UBP1: variants seen among roughly 807,000 people sequenced by gnomAD.
UBP1 encodes the protein upstream-binding protein 1.
UBP1 carries 22 observed loss-of-function variants against 76.1 expected under a neutral mutation model. The observed-to-expected ratio is 0.29, with a 90% CI of 0.21 to 0.41. UBP1 has a LOEUF of 0.41. UBP1 is among the 10% of genes least tolerant of loss of function. The pLI is 1.00. For missense variants in UBP1, 436 were observed against 668.1 expected (o/e 0.65, Z 3.83); for synonymous variants, 224 against 237.1 (o/e 0.94, Z 0.51).
intron 2 of UBP1, among the ~76,000 whole-genome samples, chr3:33,418,613 C>T (rs1343607651): frequency 6.6e-6 from 1 of 151,784 alleles, no homozygotes; most frequent in African/African-American, 2.4e-5. Context: ...AATCCCAGCA[C>T]TTTGGGAGCC....
At chr3:33,398,973 A>C (rs2044117237) in intron 11 of UBP1, among the ~76,000 whole-genome samples, 4 of 152,266 alleles carry the variant, frequency 2.6e-5, no homozygotes, top group South Asian at 2.1e-4. Flanking sequence ...GGAACTTTAA[A>C]GAGACAAAGA....
At chr3:33,429,662 A>T (rs191421006) in intron 1 of UBP1, among the ~76,000 whole-genome samples, 1 of 152,332 alleles carries the variant, frequency 6.6e-6, no homozygotes, top group Non-Finnish European at 1.5e-5. Context: ...AAACTGAAAG[A>T]TCTACATGTT....
In UBP1 at chr3:33,390,276, C is replaced by T; in HGVS notation, c.*55G>A. On this transcript the variant is annotated 3_prime_UTR_variant, in exon 16 of 16. Coordinates refer to ENST00000283629, the MANE Select transcript of UBP1 (RefSeq NM_014517.5). ...CAAGACTTCTTGGATTCAGTCTTCACACACTTTTAAGCGTGACTATTTGGT... is the reference window on the plus strand; with the variant it reads ...CAAGACTTCTTGGATTCAGTCTTCATACACTTTTAAGCGTGACTATTTGGT... 1 of 1,550,810 alleles carries T rather than the reference C, an allele frequency of 6.4e-7. No individual in the cohort carries two copies. Among genetic ancestry groups the T allele is most frequent in the Non-Finnish European group, 8.8e-7 (1 of 1,130,722 alleles).
chr3:33,436,689 C>T (rs1231774723), intron 1 of UBP1, among the ~76,000 whole-genome samples: 1 of 152,130 alleles, frequency 6.6e-6, no homozygotes, highest in Non-Finnish European at 1.5e-5. Flanking sequence ...AAGAAAATTA[C>T]CAGGTGGTCC....
intron 13 of UBP1, among the ~76,000 whole-genome samples, chr3:33,394,289 G>T (rs2043881454): frequency 6.6e-6 from 1 of 151,628 alleles, no homozygotes; most frequent in Non-Finnish European, 1.5e-5. Flanking sequence ...CACGCAGTCT[G>T]CCCAGTTAGG....
chr3:33,406,148 C>G (rs1190576436), intron 8 of UBP1, among the ~76,000 whole-genome samples: 1 of 152,286 alleles, frequency 6.6e-6, no homozygotes, highest in South Asian at 2.1e-4. Flanking sequence ...TGATGGCACA[C>G]ACACACCTGT....
rs371796712 is a variant in UBP1, at chr3:33,388,858, G to A, written c.*1473C>T. The A allele has an allele frequency of 8.5e-5, 13 of 152,184 alleles. No homozygotes were observed. The East Asian group carries it at 2.1e-3, about 25-fold the overall frequency. 9.4% of individuals were successfully genotyped at this position (152,184 alleles called of 1,614,324 possible). On this transcript the variant is annotated 3_prime_UTR_variant, in exon 16 of 16. Coordinates refer to ENST00000283629, the MANE Select transcript of UBP1 (RefSeq NM_014517.5). The stretch of plus-strand genomic sequence containing the variant: ...AATGTCAAAGCTTTTACTCACTGAA[G>A]TAGTTTGTCTTCTGGGAGAGATTTC...
Position 33,418,584 on chromosome 3 carries a change from C to T in UBP1, c.266-1750G>A, listed in dbSNP as rs79005342. On this transcript the variant is annotated intron_variant, in intron 2 of 15. Transcript: ENST00000283629. ...ATAAGAAGTATTTAATTAGGCTGCG[C>T]GCAGTGGCTCACGCTTGTAATCCCA... 5.0e-4 allele frequency among the ~76,000 whole-genome samples: 76 copies of T among 151,894 alleles called. 1 individual carries two copies. The East Asian group carries it at 0.012, about 24-fold the overall frequency.
intron 8 of UBP1, among the ~76,000 whole-genome samples, chr3:33,403,908 T>C (rs976603683): frequency 6.6e-6 from 1 of 152,148 alleles, no homozygotes; most frequent in African/African-American, 2.4e-5. Flanking sequence ...CTTCTCTCAT[T>C]TTACACAAGA....
chr3:33,414,499 T>C (rs1336206236), intron 3 of UBP1, among the ~76,000 whole-genome samples: 1 of 152,134 alleles, frequency 6.6e-6, no homozygotes, highest in East Asian at 1.9e-4. Flanking sequence ...GTTCAGCACA[T>C]TCAAGAAGTT....
At chr3:33,438,414 G>C (rs2045235078) in intron 1 of UBP1, among the ~76,000 whole-genome samples, 1 of 152,212 alleles carries the variant, frequency 6.6e-6, no homozygotes, top group Non-Finnish European at 1.5e-5. Context: ...GGCACTAGAG[G>C]AGTGCGTTTT....
chr3:33,409,375 A>G (rs775268901), intron 6 of UBP1, 29 bp from the exon 7 acceptor site: 9 of 1,613,940 alleles, frequency 5.6e-6, no homozygotes, highest in South Asian at 1.1e-5. Flanking sequence ...TATTTCATCT[A>G]TCAGGCTGCA....
intron 15 of UBP1, chr3:33,391,712 A>C (rs2043771479): frequency 6.6e-6 from 1 of 152,238 alleles, no homozygotes; most frequent in Non-Finnish European, 1.5e-5. Flanking sequence ...TAAACGTGTA[A>C]GATACCATCA....
chr3:33,421,613 AAAAGAACT>A (rs1232705913), intron 2 of UBP1, among the ~76,000 whole-genome samples: 1 of 152,262 alleles, frequency 6.6e-6, no homozygotes, highest in Non-Finnish European at 1.5e-5. Flanking sequence ...CTGAGGTTCA[AAAAGAACT>A]CAAAAAATGA....
chr3:33,440,495 G>C (rs1447770235), upstream of UBP1: 2 of 96,862 alleles, frequency 2.1e-5, no homozygotes, highest in East Asian at 3.3e-4. Flanking sequence ...GCCACTCCCC[G>C]CGCCTCGCGG....
In UBP1 at chr3:33,425,744, G is replaced by A; in HGVS notation, c.114-3C>T. Reference sequence around the variant, plus strand: ...AAATGGGCAATGCCAAGACATCACTGAAAAGCAAAAAATCAACACTGACCT... The same window carrying A: ...AAATGGGCAATGCCAAGACATCACTAAAAAGCAAAAAATCAACACTGACCT... On this transcript the variant is annotated splice_polypyrimidine_tract_variant and splice_region_variant and intron_variant, in intron 1 of 15. Transcript: ENST00000283629. The A allele has an allele frequency of 1.3e-6, 2 of 1,568,806 alleles. No individual in the cohort carries two copies. The highest frequency in any genetic ancestry group is 1.1e-5 in the South Asian group (1 of 87,170).
At chr3:33,422,468 G>A (rs1421209393) in intron 2 of UBP1, among the ~76,000 whole-genome samples, 2 of 152,128 alleles carry the variant, frequency 1.3e-5, no homozygotes, top group Non-Finnish European at 2.9e-5. Context: ...TATAATCCCA[G>A]CACTTTGGGA....
intron 13 of UBP1, among the ~76,000 whole-genome samples, chr3:33,395,578 A>G (rs2043945345): frequency 6.6e-6 from 1 of 152,020 alleles, no homozygotes; most frequent in Admixed American, 6.5e-5. Flanking sequence ...CGTACTGGGT[A>G]GTATTATTTA....
chr3:33,396,019 T>A (rs1575450554), intron 13 of UBP1, 143 bp downstream of exon 13: 2 of 628,028 alleles, frequency 3.2e-6, no homozygotes, highest in East Asian at 5.7e-5. Flanking sequence ...AGCTGCCACC[T>A]CTCATTGCTG....
Sources: allele counts gnomAD v4.1 joint callset (sites outside exome capture counted in the v4.1 genomes callset), GRCh38; gene constraint gnomAD v4.1.1; transcripts MANE v1.5; gene names NCBI Gene and HGNC (gene_info 2026-07-23, HGNC 2026-07-21).